The following FADS2 variants were observed in gnomAD, a reference collection of about 807,000 sequenced individuals.
FADS2 encodes the protein fatty acid desaturase 2.
A neutral mutation model predicts 61.2 loss-of-function variants in FADS2; 18 were observed. The observed-to-expected ratio is 0.29, with a 90% confidence interval of 0.20 to 0.44. The LOEUF is 0.44. Ranked by LOEUF, FADS2 falls within the 20% of genes least tolerant of loss-of-function variation. The pLI is 1.00. For synonymous variants in FADS2, 203 were observed against 223.9 expected (o/e 0.91, Z 0.83); for missense variants, 322 against 572.7 (o/e 0.56, Z 4.47).
chr11:61,857,111 C>T (rs565856030), intron 6 of FADS2, 40 bp downstream of exon 6: 3 of 1,543,466 alleles, frequency 1.9e-6, no homozygotes, highest in Non-Finnish European at 2.7e-6. Context: ...GGGACCCTCC[C>T]CTCCCCCCAG....
At chr11:61,845,142 T>C (rs1170950102) in intron 4 of FADS2, among the ~76,000 whole-genome samples, 1 of 139,902 alleles carries the variant, frequency 7.1e-6, no homozygotes, top group Non-Finnish European at 1.5e-5. Flanking sequence ...TCTGGAGCAC[T>C]CTACACTCCC....
At chr11:61,819,760 C>T (rs914306992) in intron 1 of FADS2, among the ~76,000 whole-genome samples, 2 of 152,226 alleles carry the variant, frequency 1.3e-5, no homozygotes, top group East Asian at 3.9e-4. Flanking sequence ...TACATATGCA[C>T]AACATGGAGG....
At chr11:61,845,238 T>C (rs1241732578) in intron 4 of FADS2, among the ~76,000 whole-genome samples, 1 of 151,456 alleles carries the variant, frequency 6.6e-6, no homozygotes, top group Non-Finnish European at 1.5e-5. Flanking sequence ...TCCAGCTGCG[T>C]GGACACTTAG....
chr11:61,828,764 C>T lies in FADS2; in HGVS notation c.207+167C>T, dbSNP rs2067103404. ...TCGTACCCCCTCCCCAATCCTCCTC[C>T]TCCTCTGGGCCGACTGGGGTGGAGA... On this transcript the variant is annotated intron_variant, in intron 1 of 11. Coordinates refer to ENST00000278840, the MANE Select transcript of FADS2 (RefSeq NM_004265.4). This position sits in a 1 kb window ranked among gnomAD's most constrained non-coding sequence, Gnocchi z 6.4. The T allele has an allele frequency of 1.6e-6, 1 of 625,126 alleles. No individual in the cohort carries two copies. The highest frequency in any genetic ancestry group is 2.9e-5 in the East Asian group (1 of 34,622). The allele number at this position is 625,126 out of a possible 1,614,324, so 38.7% of individuals were successfully genotyped here.
intron 1 of FADS2, chr11:61,821,602 C>T: frequency 1.8e-6 from 1 of 570,016 alleles, no homozygotes; most frequent in African/African-American, 1.9e-5. Context: ...TGCAGCCTCC[C>T]CTCAGTAGCA....
At chr11:61,825,548 G>A (rs1463740036), upstream of FADS2, among the ~76,000 whole-genome samples, 1 of 151,798 alleles carries the variant, frequency 6.6e-6, no homozygotes, top group Non-Finnish European at 1.5e-5. Context: ...AACCCATGAG[G>A]TGGAGGTTGC....
At chr11:61,825,486 C>T (rs954130024), upstream of FADS2, among the ~76,000 whole-genome samples, 4 of 151,910 alleles carry the variant, frequency 2.6e-5, no homozygotes, top group South Asian at 2.1e-4. Flanking sequence ...GGCATGGTGG[C>T]GGGTGCTTGT....
In FADS2 at chr11:61,840,357, G is replaced by A. The variant is rs1408687334; in HGVS notation, c.342G>A (p.Arg114=). ...AGTCAAAGATCACTGAGGACTTCCG[G>A]GCCCTGAGGAAGACGGCTGAGGACA... ...GKNSKITEDF[R]ALRKTAEDMN... The change falls in exon 3 of 12, where the codon CGG becomes CGA. Residue 114 remains arginine, a synonymous_variant. Transcript: ENST00000278840. 1 of 1,614,186 alleles carries A rather than the reference G, an allele frequency of 6.2e-7. No homozygotes were observed. Among genetic ancestry groups the A allele is most frequent in the Non-Finnish European group, 8.5e-7 (1 of 1,180,036 alleles).
chr11:61,840,708 G>C lies in FADS2; in HGVS notation c.601G>C (p.Val201Leu). The C allele has an allele frequency of 6.2e-7, 1 of 1,613,918 alleles. No individual in the cohort carries two copies. The highest frequency in any genetic ancestry group is 8.5e-7 in the Non-Finnish European group (1 of 1,179,780). Residue 201 changes from valine (V) to leucine (L), a missense_variant, in exon 4 of 12, where the codon GTC becomes CTC. By Grantham distance (32) the Val-to-Leu change is conservative. Coordinates refer to ENST00000278840, the MANE Select transcript of FADS2 (RefSeq NM_004265.4). ...GTGGAACCACCTTGTCCACAAATTC[G>C]TCATTGGCCACTTAAAGGTAAGTGT... ...PKWNHLVHKF[V>L]IGHLKGASAN...
At chr11:61,817,044 C>G (rs1247231065) in intron 1 of FADS2, 2 of 1,199,990 alleles carry the variant, frequency 1.7e-6, no homozygotes, top group African/African-American at 1.6e-5. Flanking sequence ...GCGTCGCCGC[C>G]GGATTCGACT....
In FADS2 at chr11:61,865,487, T is replaced by G; in HGVS notation, c.1284-151T>G. 1 of 933,052 alleles carries G rather than the reference T, an allele frequency of 1.1e-6. No individual in the cohort carries two copies. 57.8% of individuals were successfully genotyped at this position (933,052 alleles called of 1,614,324 possible). A position where few individuals can be genotyped will look rare whatever the true frequency, so the allele number is the denominator to read the frequency against. On this transcript the variant is annotated intron_variant, in intron 11 of 11. Coordinates refer to ENST00000278840, the MANE Select transcript of FADS2 (RefSeq NM_004265.4). This position sits in a 1 kb window ranked among gnomAD's most constrained non-coding sequence, Gnocchi z 4.1. ...GTGGGGTTCCTGGTGGGCTCTGAGC[T>G]GACAGCCCCACAGGCCCAGTGGCAG...
chr11:61,824,392 AAAAGAGAG>A (rs1396195286), upstream of FADS2, among the ~76,000 whole-genome samples: 9 of 98,768 alleles, frequency 9.1e-5, no homozygotes, highest in Admixed American at 5.9e-4. Context: ...GGGGGAAAAA[AAAAGAGAG>A]AGAGAGAGAG....
rs139753010 is a variant in FADS2, at chr11:61,848,066, G to A, written c.619-93G>A. The A allele has an allele frequency of 1.4e-5, 22 of 1,525,854 alleles. No homozygotes were observed. The East Asian group carries it at 1.6e-4, about 11-fold the overall frequency. The allele number at this position is 1,525,854 out of a possible 1,614,324, so 94.5% of individuals were successfully genotyped here. A position where few individuals can be genotyped will look rare whatever the true frequency, so the allele number is the denominator to read the frequency against. ...GAAGTGCTATCCCCGAGGGTTGAAG[G>A]TTCCGGGAACTGCTCCTAAGAAGGG... On this transcript the variant is annotated intron_variant, in intron 4 of 11. Coordinates refer to ENST00000278840, the MANE Select transcript of FADS2 (RefSeq NM_004265.4).
At chr11:61,827,205 A>G (rs2135952217), upstream of FADS2, among the ~76,000 whole-genome samples, 1 of 152,236 alleles carries the variant, frequency 6.6e-6, no homozygotes, top group South Asian at 2.1e-4. This position sits in a 1 kb window ranked among gnomAD's most constrained non-coding sequence, Gnocchi z 4.5. Context: ...CCACGCCTAA[A>G]AGACCTAACC....
chr11:61,846,831 T>C (rs1166571958), intron 4 of FADS2: 1 of 152,214 alleles, frequency 6.6e-6, no homozygotes, highest in Non-Finnish European at 1.5e-5. Context: ...TTCTTGTTCA[T>C]GTTAGCAGTT....
chr11:61,840,184 G>C (rs1433949363), intron 2 of FADS2, 150 bp from the exon 3 acceptor site: 7 of 663,512 alleles, frequency 1.1e-5, no homozygotes, highest in Non-Finnish European at 1.6e-5. Flanking sequence ...CTATTGTAGG[G>C]ACTCCTGGAG....
At chr11:61,824,021 T>C (rs1202128390), upstream of FADS2, among the ~76,000 whole-genome samples, 1 of 152,166 alleles carries the variant, frequency 6.6e-6, no homozygotes, top group Non-Finnish European at 1.5e-5. Flanking sequence ...AGAAAATACA[T>C]GTATGGCACT....
At chr11:61,821,542 C>A in intron 1 of FADS2, 1 of 660,936 alleles carries the variant, frequency 1.5e-6, no homozygotes, top group Non-Finnish European at 2.7e-6. Context: ...GGATCCTTTA[C>A]AAAGTCAACA....
chr11:61,816,579 G>T lies in FADS2; in HGVS notation c.141+153G>T. ...CCGTGGCATCCTGCCCGGCGTAGTG[G>T]CTGATGACCCGGGAGCCCCCTGGAT... On this transcript the variant is annotated intron_variant, in intron 1 of 11. Coordinates refer to the FADS2 transcript ENST00000257261. This position sits in a 1 kb window ranked among gnomAD's most constrained non-coding sequence, Gnocchi z 7.0. 1 of 1,609,038 alleles carries T rather than the reference G, an allele frequency of 6.2e-7. No individual in the cohort carries two copies. Among genetic ancestry groups the T allele is most frequent in the Non-Finnish European group, 8.5e-7 (1 of 1,178,460 alleles).
Sources: gnomAD v4.1 joint callset for allele counts (sites outside exome capture counted in the v4.1 genomes callset) on GRCh38, gnomAD v4.1.1 for gene constraint, Gnocchi (gnomAD v3.1) non-coding constraint, MANE v1.5 for transcripts, NCBI Gene and HGNC (gene_info 2026-07-23, HGNC 2026-07-21) for gene names.